CARS2: variants seen among roughly 807,000 people sequenced by gnomAD.
The protein encoded by CARS2 is probable cysteine--tRNA ligase, mitochondrial.
A neutral mutation model predicts 68.8 loss-of-function variants in CARS2; 52 were observed. That is an observed-to-expected ratio of 0.76 (90% CI 0.61 to 0.95). The LOEUF is 0.95. CARS2 is among the 40% of genes least tolerant of loss of function. CARS2 has a pLI of 0.00. For synonymous variants in CARS2, 314 were observed against 303.6 expected (o/e 1.03, Z -0.36); for missense variants, 780 against 754.2 (o/e 1.03, Z -0.40).
intron 9 of CARS2, among the ~76,000 whole-genome samples, chr13:110,657,199 A>AAATTTTAT (rs142688030): frequency 0.28 from 42,898 of 152,016 alleles, 6,740 homozygotes; most frequent in African/African-American, 0.39. Flanking sequence ...CTGTGATATT[A>AAATTTTAT]AATTTTATTT....
intron 6 of CARS2, among the ~76,000 whole-genome samples, chr13:110,678,471 T>C (rs181833386): frequency 1.8e-4 from 28 of 152,296 alleles, no homozygotes; most frequent in African/African-American, 6.5e-4. Flanking sequence ...TCACCTTTGA[T>C]GAATTTAAAG....
intron 2 of CARS2, among the ~76,000 whole-genome samples, chr13:110,702,245 C>T (rs1317935590): frequency 3.3e-5 from 5 of 152,294 alleles, no homozygotes; most frequent in South Asian, 2.1e-4. Flanking sequence ...GTGGGGGAAT[C>T]CTAGCCATGT....
rs1228848785 is a variant in CARS2 at position 110,641,502 on chromosome 13, C to T, written c.*35G>A. The T allele has an allele frequency of 6.4e-7, 1 of 1,554,216 alleles. No individual in the cohort carries two copies. The highest frequency in any genetic ancestry group is 1.1e-5 in the South Asian group (1 of 89,936). ...TTGACCCTGAGAAGCATGGGTGCGT[C>T]TTGTCGTGAGCAGGTTCATGGCTGT... On this transcript the variant is annotated 3_prime_UTR_variant, in exon 15 of 15. Coordinates refer to ENST00000257347, the MANE Select transcript of CARS2 (RefSeq NM_024537.4).
chr13:110,671,875 C>T (rs1383208683), intron 7 of CARS2, among the ~76,000 whole-genome samples: 1 of 151,852 alleles, frequency 6.6e-6, no homozygotes, highest in African/African-American at 2.4e-5. Flanking sequence ...GGGAGATCTA[C>T]CAAACAAAAG....
At chr13:110,712,797 TCGGGCCTATCCACCTCTTCTGGGG>T (rs1411704866) in intron 1 of CARS2, 2 of 753,676 alleles carry the variant, frequency 2.7e-6, no homozygotes, top group South Asian at 3.0e-5. Context: ...AAGGCGCCCC[TCGGGCCTATCCACCTCTTCTGGGG>T]CTCGGCACTA....
At chr13:110,659,246 T>C (rs1159223318) in intron 9 of CARS2, among the ~76,000 whole-genome samples, 1 of 151,994 alleles carries the variant, frequency 6.6e-6, no homozygotes, top group East Asian at 1.9e-4. Flanking sequence ...GGCATACAGA[T>C]TATTTTGAGC....
chr13:110,657,615 ACTTTT>A (rs1320257977), intron 9 of CARS2, among the ~76,000 whole-genome samples: 1 of 152,202 alleles, frequency 6.6e-6, no homozygotes, highest in Non-Finnish European at 1.5e-5. Flanking sequence ...AGACAAAAAC[ACTTTT>A]CTTTAAGAAG....
At chr13:110,649,625 C>A (rs1313969421) in intron 10 of CARS2, among the ~76,000 whole-genome samples, 2 of 152,176 alleles carry the variant, frequency 1.3e-5, no homozygotes, top group Non-Finnish European at 2.9e-5. Flanking sequence ...AAGGTGAAAT[C>A]ATCAATTTGG....
chr13:110,659,709 G>A lies in CARS2; in HGVS notation c.987+3742C>T, dbSNP rs34957808. Among the ~76,000 whole-genome samples the A allele has an allele frequency of 6.5e-3, 983 of 152,240 alleles. 38 individuals are homozygous for A. Among genetic ancestry groups the A allele is most frequent in the Admixed American group, 0.057 (867 of 15,292 alleles). On this transcript the variant is annotated intron_variant, in intron 9 of 14. Transcript: ENST00000257347. The stretch of plus-strand genomic sequence containing the variant: ...CATTATGTCTGAAAGAACAATGTAC[G>A]TACCTTAATGAAAAAATATTTTATT...
At chr13:110,652,261 C>G (rs1345972111) in intron 9 of CARS2, among the ~76,000 whole-genome samples, 2 of 152,280 alleles carry the variant, frequency 1.3e-5, no homozygotes, top group East Asian at 3.8e-4. Flanking sequence ...CTCATCAGAG[C>G]TCAGATACCC....
chr13:110,684,526 C>T (rs538892720), intron 5 of CARS2, among the ~76,000 whole-genome samples: 110 of 148,296 alleles, frequency 7.4e-4, no homozygotes, highest in Non-Finnish European at 1.4e-3. Context: ...GCAGGGTTTT[C>T]TGTTGAAATG....
chr13:110,646,643 A>C, intron 11 of CARS2: 1 of 164,438 alleles, frequency 6.1e-6, no homozygotes, highest in Non-Finnish European at 1.3e-5. Flanking sequence ...TGTGTGTTTT[A>C]TAGATTTTGG....
intron 9 of CARS2, among the ~76,000 whole-genome samples, chr13:110,655,633 C>T (rs758492993): frequency 2.0e-5 from 3 of 152,214 alleles, no homozygotes; most frequent in East Asian, 1.9e-4. Context: ...CAACAGTGAA[C>T]GTGGTCGGGC....
At chr13:110,651,127 C>T (rs766461148) in intron 9 of CARS2, 27 bp from the exon 10 acceptor site, 115 of 1,567,074 alleles carry the variant, frequency 7.3e-5, no homozygotes, top group East Asian at 3.6e-4. Context: ...CAGGCAGTCA[C>T]GAGGCTTTGC....
chr13:110,644,760 G>A, intron 12 of CARS2: 1 of 379,298 alleles, frequency 2.6e-6, no homozygotes, highest in South Asian at 3.4e-5. Context: ...TGACCGTGGA[G>A]TATGGCAGGT....
At position 110,676,297 on chromosome 13, in the gene CARS2, C is replaced by A. The variant is rs969474296; in HGVS notation, c.785+677G>T. Among the ~76,000 whole-genome samples the A allele has an allele frequency of 6.6e-6, 1 of 152,230 alleles. No individual in the cohort carries two copies. The highest frequency in any genetic ancestry group is 2.4e-5 in the African/African-American group (1 of 41,466). Reference sequence around the variant, plus strand: ...TGGGCAGAGCCACAGGGTGTGGACACCTCAGGTGCGTCCAAGGGGACCAGG... The same window carrying A: ...TGGGCAGAGCCACAGGGTGTGGACAACTCAGGTGCGTCCAAGGGGACCAGG... On this transcript the variant is annotated intron_variant, in intron 7 of 14. Coordinates refer to ENST00000257347, the MANE Select transcript of CARS2 (RefSeq NM_024537.4). The surrounding 1 kb of genome is among the most constrained non-coding windows in gnomAD (Gnocchi z 4.0).
intron 6 of CARS2, 109 bp downstream of exon 6, chr13:110,682,941 AG>A: frequency 1.6e-6 from 1 of 615,306 alleles, no homozygotes. Flanking sequence ...GACCTGGGTA[AG>A]GCCAGTGTCT....
At chr13:110,652,047 C>T (rs2062229154) in intron 9 of CARS2, among the ~76,000 whole-genome samples, 1 of 152,356 alleles carries the variant, frequency 6.6e-6, no homozygotes, top group South Asian at 2.1e-4. Context: ...CTGACCAAAG[C>T]CCCCTTTCCT....
At chr13:110,688,545 T>A (rs371560134) in intron 3 of CARS2, among the ~76,000 whole-genome samples, 1 of 152,150 alleles carries the variant, frequency 6.6e-6, no homozygotes, top group African/African-American at 2.4e-5. Context: ...TAGTCCAGTC[T>A]GTATGATAAG....
Sources: allele counts gnomAD v4.1 joint callset (sites outside exome capture counted in the v4.1 genomes callset), GRCh38; gene constraint gnomAD v4.1.1; non-coding constraint Gnocchi (gnomAD v3.1); transcripts MANE v1.5; gene names NCBI Gene and HGNC (gene_info 2026-07-23, HGNC 2026-07-21).